SOX8: variants seen among roughly 807,000 people sequenced by gnomAD.
SOX8 encodes the protein transcription factor SOX-8.
Under a neutral mutation model 22.9 loss-of-function variants are expected in SOX8, and 9 were observed. The ratio of observed to expected loss-of-function variants is 0.39; its 90% CI spans 0.24 to 0.69. The LOEUF (loss-of-function observed/expected upper bound fraction) is 0.69. Ranked by LOEUF, SOX8 falls within the 30% of genes least tolerant of loss-of-function variation. The pLI, the probability that SOX8 is intolerant of heterozygous loss-of-function variation, is 0.43. For missense variants in SOX8, 734 were observed against 699.4 expected, an observed-to-expected ratio of 1.05 and a Z score of -0.56; for synonymous variants, 416 against 330.6, an observed-to-expected ratio of 1.26 and a Z score of -2.80.
chr16:983,873 G>A lies in SOX8; in HGVS notation c.568G>A (p.Ala190Thr). The A allele has an allele frequency of 6.2e-7, 1 of 1,611,394 alleles. No homozygotes were observed. Among genetic ancestry groups the A allele is most frequent in the East Asian group, 2.2e-5 (1 of 44,792 alleles). Residue 190 changes from alanine to threonine, a missense_variant, in exon 2 of 3, where the codon GCG becomes ACG. Coordinates refer to ENST00000293894, the MANE Select transcript of SOX8 (RefSeq NM_014587.5). ...KAGHSDSDSG[A>T]ELGPHPGGGA... ...CGGCCACAGCGACTCCGACTCGGGC[G>A]CGGAGCTGGGACCCCACCCTGGCGG... is the stretch of plus-strand genomic sequence containing the variant.
intron 1 of SOX8, 188 bp downstream of exon 1, chr16:982,532 G>C (rs907922813): frequency 8.5e-6 from 5 of 590,938 alleles, no homozygotes; most frequent in African/African-American, 1.9e-5. Context: ...GCCGGGGTCC[G>C]GCGCCAGCTA....
rs759845549 is a variant in SOX8 at position 985,350 on chromosome 16, G to T, written c.1305G>T (p.Trp435Cys). 72 of 1,584,532 alleles carry T rather than the reference G, an allele frequency of 4.5e-5. No individual in the cohort carries two copies. The highest frequency in any genetic ancestry group is 6.0e-5 in the Non-Finnish European group (70 of 1,171,704). Residue 435 changes from tryptophan (W) to cysteine (C), a missense_variant, in exon 3 of 3, where the codon TGG (tryptophan) becomes TGT (cysteine). Coordinates refer to ENST00000293894, the MANE Select transcript of SOX8 (RefSeq NM_014587.5). ...CCGCCCACAGCCCCACCAGTCACTG[G>T]GACCAGCCGGTGTACACCACCCTGA... is the stretch of plus-strand genomic sequence containing the variant. ...LPPAHSPTSH[W>C]DQPVYTTLTR... is the part of the protein sequence containing the mutation.
At position 984,717 on chromosome 16, in the gene SOX8, G is replaced by T. The variant is rs373852161; in HGVS notation, c.672G>T (p.Pro224=). 3.9e-6 allele frequency: 6 copies of T among 1,543,380 alleles called. No individual in the cohort carries two copies. In the Admixed American group the frequency reaches 9.6e-5, roughly 25 times the overall value. Residue 224 remains proline, a synonymous_variant, in exon 3 of 3, where the codon CCG becomes CCT. Transcript: ENST00000293894. ...TGTCCCCAGGGCAGACCCACGGGCC[G>T]CCCACCCCGCCCACCACCCCCAAGA... is the stretch of plus-strand genomic sequence containing the variant. ...HGDHTGQTHG[P]PTPPTTPKTE...
At position 986,504 on chromosome 16, in the gene SOX8, G is replaced by A. The variant is rs551770241; in HGVS notation, c.*1118G>A. ...CAGGACACAGGAATTCCTGGAAAGT[G>A]GTGGCTTCAGAAGTGATCTTGGCTC... On this transcript the variant is annotated 3_prime_UTR_variant, in exon 3 of 3. Transcript: ENST00000293894. The A allele has an allele frequency of 6.6e-6, 1 of 152,508 alleles. No individual in the cohort carries two copies. Among genetic ancestry groups the A allele is most frequent in the South Asian group, 2.1e-4 (1 of 4,826 alleles). The allele number at this position is 152,508 out of a possible 1,614,324, so 9.4% of individuals were successfully genotyped here. A position where few individuals can be genotyped will look rare whatever the true frequency, so the allele number is the denominator to read the frequency against.
At chr16:982,571 C>T in intron 1 of SOX8, 1 of 431,658 alleles carries the variant, frequency 2.3e-6, no homozygotes, top group Non-Finnish European at 3.9e-6. Flanking sequence ...GAGGGCAGCG[C>T]CTGGGGTGTG....
At position 981,893 on chromosome 16, in the gene SOX8, C is replaced by T. The variant is rs2151519021; in HGVS notation, c.-30C>T. On this transcript the variant is annotated 5_prime_UTR_variant, in exon 1 of 3. Transcript: ENST00000293894. ...CGGGCGCCGGCCCCGGTGCGCGTCT[C>T]CTGTGCGCGCCCCTCCGCGCGCGGC... is the stretch of plus-strand genomic sequence containing the variant. 6.8e-6 allele frequency: 8 copies of T among 1,183,494 alleles called. No individual in the cohort carries two copies. The highest frequency in any genetic ancestry group is 8.4e-6 in the Non-Finnish European group (8 of 957,526). The allele number at this position is 1,183,494 out of a possible 1,614,324, so 73.3% of individuals were successfully genotyped here. A position where few individuals can be genotyped will look rare whatever the true frequency, so the allele number is the denominator to read the frequency against.
Position 985,527 on chromosome 16 carries a change from C to G in SOX8, c.*141C>G, listed in dbSNP as rs78370226. On this transcript the variant is annotated 3_prime_UTR_variant, in exon 3 of 3. Transcript: ENST00000293894. ...TCTGCAGGGAAACACGCTTGCTGCC[C>G]GTGGCCCTCGGCCTCCAGATGGCCA... 1 of 678,568 alleles carries G rather than the reference C, an allele frequency of 1.5e-6. No individual in the cohort carries two copies. The highest frequency in any genetic ancestry group is 3.0e-5 in the East Asian group (1 of 33,626). 42.0% of individuals were successfully genotyped at this position (678,568 alleles called of 1,614,324 possible). A position where few individuals can be genotyped will look rare whatever the true frequency, so the allele number is the denominator to read the frequency against.
Position 984,895 on chromosome 16 carries a change from G to A in SOX8, c.850G>A (p.Glu284Lys). ...CACCATGGACGCCTTCGACGTCCAC[G>A]AGTTCGACCAGTACCTGCCCCTGGG... ...MGTMDAFDVHEFDQYLPLGGP... is the reference protein window; with the variant it reads ...MGTMDAFDVHKFDQYLPLGGP... The change falls in exon 3 of 3, where the codon GAG becomes AAG. Residue 284 changes from glutamate (E) to lysine (K), a missense_variant. Physicochemically the swap from Glu to Lys is moderately conservative, Grantham distance 56 (BLOSUM62 1). Transcript: ENST00000293894. 1.2e-6 allele frequency: 2 copies of A among 1,610,526 alleles called. No individual in the cohort carries two copies. The highest frequency in any genetic ancestry group is 1.7e-6 in the Non-Finnish European group (2 of 1,178,680).
intron 1 of SOX8, 164 bp from the exon 2 acceptor site, chr16:983,564 G>T: frequency 1.7e-6 from 1 of 594,830 alleles, no homozygotes; most frequent in Non-Finnish European, 2.9e-6. Flanking sequence ...CCAGAGGAGT[G>T]TACTGCCTGG....
At position 984,813 on chromosome 16, in the gene SOX8, C is replaced by A. The variant is rs1309027325; in HGVS notation, c.768C>A (p.Arg256=). The A allele has an allele frequency of 1.2e-6, 2 of 1,612,116 alleles. No homozygotes were observed. Among genetic ancestry groups the A allele is most frequent in the East Asian group, 2.2e-5 (1 of 44,824 alleles). The change falls in exon 3 of 3, where the codon CGC becomes CGA. Residue 256 remains arginine, a synonymous_variant. Transcript: ENST00000293894. ...GACGCCGGCCGGTGGACAGCGGGCGCCAGAACATCGACTTCAGCAACGTGG... is the reference window on the plus strand; with the variant it reads ...GACGCCGGCCGGTGGACAGCGGGCGACAGAACATCGACTTCAGCAACGTGG... ...LEGRRPVDSG[R]QNIDFSNVDI... is the part of the protein sequence containing the mutation.
chr16:985,376 C>T lies in SOX8; in HGVS notation c.1331C>T (p.Thr444Ile). ...HWDQPVYTTLTRP is the reference protein window; with the variant it reads ...HWDQPVYTTLIRP ...GACCAGCCGGTGTACACCACCCTGA[C>T]CAGGCCCTGAGGGCCCAGCCGCGGG... is the stretch of plus-strand genomic sequence containing the variant. Residue 444 changes from threonine (T) to isoleucine (I), a missense_variant, in exon 3 of 3, where the codon ACC becomes ATC. Physicochemically the swap from Thr to Ile is moderately conservative, Grantham distance 89. Around this residue, in one of 3 missense-constraint regions of SOX8, gnomAD observed 588 missense variants for 568.2 expected, o/e 1.03. Coordinates refer to ENST00000293894, the MANE Select transcript of SOX8 (RefSeq NM_014587.5). 1 of 1,559,782 alleles carries T rather than the reference C, an allele frequency of 6.4e-7. No homozygotes were observed. The highest frequency in any genetic ancestry group is 8.6e-7 in the Non-Finnish European group (1 of 1,157,922).
At chr16:984,058 G>C (rs1477002393) in intron 2 of SOX8, 98 bp downstream of exon 2, 10 of 1,083,810 alleles carry the variant, frequency 9.2e-6, no homozygotes, top group Non-Finnish European at 1.3e-5. Flanking sequence ...AGGGGGGCAG[G>C]CGCCCTCGAG....
chr16:983,584 A>AGGCTCCGGAGCGCAC, intron 1 of SOX8, 144 bp from the exon 2 acceptor site: 2 of 654,824 alleles, frequency 3.1e-6, no homozygotes, highest in Non-Finnish European at 5.1e-6. Flanking sequence ...GTGCCACGGG[A>AGGCTCCGGAGCGCAC]GGCTCCGGAG....
chr16:985,671 C>G lies in SOX8; in HGVS notation c.*285C>G. On this transcript the variant is annotated 3_prime_UTR_variant, in exon 3 of 3. Transcript: ENST00000293894. ...CCTCTTCCGTGAGGACTGGCGGCACCAGCACCTTCGCTTTGCATCTCGGTA... is the reference window on the plus strand; with the variant it reads ...CCTCTTCCGTGAGGACTGGCGGCACGAGCACCTTCGCTTTGCATCTCGGTA... 2.4e-6 allele frequency: 1 copy of G among 421,482 alleles called. No homozygotes were observed. The highest frequency in any genetic ancestry group is 4.2e-6 in the Non-Finnish European group (1 of 237,038). 26.1% of individuals were successfully genotyped at this position (421,482 alleles called of 1,614,324 possible).
chr16:982,261 G>A lies in SOX8; in HGVS notation c.339G>A (p.Ala113=). The A allele has an allele frequency of 6.5e-7, 1 of 1,528,430 alleles. No individual in the cohort carries two copies. The highest frequency in any genetic ancestry group is 2.0e-5 in the Admixed American group (1 of 49,096). 94.7% of individuals were successfully genotyped at this position (1,528,430 alleles called of 1,614,324 possible). A position where few individuals can be genotyped will look rare whatever the true frequency, so the allele number is the denominator to read the frequency against. ...KRPMNAFMVW[A]QAARRKLADQ... ...CCATGAACGCATTCATGGTGTGGGC[G>A]CAGGCGGCGCGCCGCAAGCTGGCCG... Residue 113 remains alanine, a synonymous_variant, in exon 1 of 3, where the codon GCG becomes GCA. Coordinates refer to ENST00000293894, the MANE Select transcript of SOX8 (RefSeq NM_014587.5).
In SOX8 at chr16:982,195, C is replaced by A; in HGVS notation, c.273C>A (p.Gly91=). 6.6e-7 allele frequency: 1 copy of A among 1,507,102 alleles called. No homozygotes were observed. 93.4% of individuals were successfully genotyped at this position (1,507,102 alleles called of 1,614,324 possible). The change falls in exon 1 of 3, where the codon GGC becomes GGA. Residue 91 remains glycine, a synonymous_variant. Transcript: ENST00000293894. ...TGGTGCCCATGCCGGTGCGCGGCGG[C>A]GGCGGCGGCGCGCTCAAAGCCAAGC... The part of the protein sequence containing the change: ...WSLVPMPVRG[G]GGGALKAKPH...
Position 983,865 on chromosome 16 carries a change from A to G in SOX8, c.560A>G (p.Asp187Gly). 6.2e-7 allele frequency: 1 copy of G among 1,611,942 alleles called. No individual in the cohort carries two copies. The highest frequency in any genetic ancestry group is 2.2e-5 in the East Asian group (1 of 44,816). Residue 187 changes from aspartate to glycine, a missense_variant, in exon 2 of 3, where the codon GAC becomes GGC. By Grantham distance (94) the Asp-to-Gly change is moderately conservative (BLOSUM62 -1). Coordinates refer to ENST00000293894, the MANE Select transcript of SOX8 (RefSeq NM_014587.5). Reference sequence around the variant, plus strand: ...GCCAAAGCCGGCCACAGCGACTCCGACTCGGGCGCGGAGCTGGGACCCCAC... The same window carrying G: ...GCCAAAGCCGGCCACAGCGACTCCGGCTCGGGCGCGGAGCTGGGACCCCAC... ...KSAKAGHSDS[D>G]SGAELGPHPG...
In SOX8 at chr16:985,119, C is replaced by G. The variant is rs755524354; in HGVS notation, c.1074C>G (p.Tyr358Ter). 1.3e-6 allele frequency: 2 copies of G among 1,598,322 alleles called. No homozygotes were observed. Among genetic ancestry groups the G allele is most frequent in the South Asian group, 1.1e-5 (1 of 90,022 alleles). Residue 358 changes from tyrosine to a stop codon, truncating the protein, a stop_gained, in exon 3 of 3, where the codon TAC becomes TAG. Coordinates refer to ENST00000293894, the MANE Select transcript of SOX8 (RefSeq NM_014587.5). LOFTEE classifies it low-confidence loss of function (END_TRUNC). ...ACCAGCCCCGAGGCTCGCCCGACTA[C>G]GGTTCCTGCAGCGGCCAGTCCAGCG... is the stretch of plus-strand genomic sequence containing the variant. ...YGDQPRGSPD[Y>*]GSCSGQSSAT... is the part of the protein sequence containing the mutation.
intron 2 of SOX8, among the ~76,000 whole-genome samples, chr16:984,203 A>T (rs970503149): frequency 6.6e-6 from 1 of 152,158 alleles, no homozygotes; most frequent in Non-Finnish European, 1.5e-5. Context: ...GGACCCCGAG[A>T]GGTGGTGTTT....
Sources: gnomAD v4.1 joint callset for allele counts (sites outside exome capture counted in the v4.1 genomes callset) on GRCh38, gnomAD v4.1.1 for gene constraint, gnomAD v4.1.1 regional missense constraint, MANE v1.5 for transcripts, NCBI Gene and HGNC (gene_info 2026-07-23, HGNC 2026-07-21) for gene names.